The following CTNNA2 variants were observed in gnomAD, a reference collection of about 807,000 sequenced individuals.
CTNNA2 encodes catenin alpha-2.
Under a neutral mutation model 101.0 loss-of-function variants are expected in CTNNA2, and 42 were observed. The ratio of observed to expected loss-of-function variants is 0.42; its 90% CI spans 0.32 to 0.54. CTNNA2 has a LOEUF of 0.54. CTNNA2 is among the 20% of genes least tolerant of loss of function. The pLI is 0.14. For missense variants in CTNNA2, 871 were observed against 1,223.1 expected, an observed-to-expected ratio of 0.71 and a Z score of 4.29; for synonymous variants, 450 against 456.4, an observed-to-expected ratio of 0.99 and a Z score of 0.18.
At chr2:79,862,202 A>G (rs1681678261) in intron 4 of CTNNA2, among the ~76,000 whole-genome samples, 1 of 152,202 alleles carries the variant, frequency 6.6e-6, no homozygotes, top group Non-Finnish European at 1.5e-5. Context: ...TGATTATTTG[A>G]TAATTTCTCT....
chr2:79,728,029 A>G (rs2104902969), intron 2 of CTNNA2, among the ~76,000 whole-genome samples: 1 of 152,302 alleles, frequency 6.6e-6, no homozygotes, highest in Admixed American at 6.5e-5. Flanking sequence ...ATAGTGCCAC[A>G]GTAAACATAC....
At chr2:80,181,147 A>G (rs892765815) in intron 7 of CTNNA2, among the ~76,000 whole-genome samples, 1 of 152,170 alleles carries the variant, frequency 6.6e-6, no homozygotes, top group Non-Finnish European at 1.5e-5. Context: ...GACTTTAGTT[A>G]TAGGTCTAGA....
At chr2:79,893,490 A>G (rs1168280747) in intron 6 of CTNNA2, among the ~76,000 whole-genome samples, 1 of 152,048 alleles carries the variant, frequency 6.6e-6, no homozygotes, top group Non-Finnish European at 1.5e-5. Flanking sequence ...TGTATGCTAT[A>G]CATTGAGTTA....
At position 80,505,259 on chromosome 2, in the gene CTNNA2, A is replaced by G. The variant is rs115075045; in HGVS notation, c.1291-39723A>G. Reference sequence around the variant, plus strand: ...TTTGGATTGTCAAAGTCAGGAAGAAAGTGTTCTTGATAATTTACGTAAAGC... The same window carrying G: ...TTTGGATTGTCAAAGTCAGGAAGAAGGTGTTCTTGATAATTTACGTAAAGC... On this transcript the variant is annotated intron_variant, in intron 9 of 18. Coordinates refer to ENST00000402739, the MANE Select transcript of CTNNA2 (RefSeq NM_001282597.3). 6.1e-3 allele frequency among the ~76,000 whole-genome samples: 923 copies of G among 152,334 alleles called. 13 individuals carry two copies. The highest frequency in any genetic ancestry group is 0.021 in the African/African-American group (880 of 41,574).
At chr2:79,630,148 A>G (rs1271450037) in intron 1 of CTNNA2, among the ~76,000 whole-genome samples, 1 of 152,112 alleles carries the variant, frequency 6.6e-6, no homozygotes, top group Non-Finnish European at 1.5e-5. Flanking sequence ...GCCGTACCAC[A>G]ATATAGACCC....
rs1678272584 is a variant in CTNNA2 at position 80,398,717 on chromosome 2, A to C, written c.1137+5426A>C. On this transcript the variant is annotated intron_variant, in intron 8 of 18. Transcript: ENST00000402739. ...TAAAAATACAAAAAAAAAAAAAAAAATTCACCCGGCATGGTGGCACGTGCC... is the reference window on the plus strand; with the variant it reads ...TAAAAATACAAAAAAAAAAAAAAAACTTCACCCGGCATGGTGGCACGTGCC... 2.0e-5 allele frequency among the ~76,000 whole-genome samples: 3 copies of C among 149,322 alleles called. No individual in the cohort carries two copies. In the South Asian group the frequency reaches 6.5e-4, roughly 32 times the overall value.
At chr2:79,238,909 A>G (rs1011779867) in intron 2 of CTNNA2, among the ~76,000 whole-genome samples, 1 of 152,224 alleles carries the variant, frequency 6.6e-6, no homozygotes, top group Non-Finnish European at 1.5e-5. Context: ...TAGAATTAAG[A>G]TAAGGCCTAA....
chr2:79,494,245 A>T (rs1045333715), intron 4 of CTNNA2, among the ~76,000 whole-genome samples: 2 of 151,104 alleles, frequency 1.3e-5, no homozygotes, highest in African/African-American at 4.9e-5. Flanking sequence ...TGCAGATTCA[A>T]ATCAAATCCT....
chr2:80,260,538 C>G (rs983714105), intron 7 of CTNNA2, among the ~76,000 whole-genome samples: 9 of 152,160 alleles, frequency 5.9e-5, no homozygotes, highest in Non-Finnish European at 8.8e-5. Context: ...TTGAAGGAAC[C>G]TCTCTTCTTA....
intron 3 of CTNNA2, among the ~76,000 whole-genome samples, chr2:79,327,523 A>C (rs1676774705): frequency 6.6e-6 from 1 of 152,204 alleles, no homozygotes; most frequent in Admixed American, 6.5e-5. Flanking sequence ...TTCATTAGAT[A>C]TCCAACATAC....
intron 2 of CTNNA2, among the ~76,000 whole-genome samples, chr2:79,220,629 A>G (rs777827576): frequency 4.6e-5 from 7 of 152,186 alleles, no homozygotes; most frequent in Non-Finnish European, 1.0e-4. Flanking sequence ...TACATTCTCT[A>G]CATGACAAGG....
intron 7 of CTNNA2, among the ~76,000 whole-genome samples, chr2:80,249,622 C>T (rs1312425084): frequency 6.6e-6 from 1 of 152,182 alleles, no homozygotes. Context: ...TGATAGGTGG[C>T]TCACGGTCAC....
intron 7 of CTNNA2, among the ~76,000 whole-genome samples, chr2:79,950,559 T>A (rs1688809689): frequency 6.6e-6 from 1 of 152,362 alleles, no homozygotes; most frequent in South Asian, 2.1e-4. Context: ...ACCCCATTCC[T>A]GTAAAGAATG....
At chr2:80,518,697 G>C (rs1689291095) in intron 9 of CTNNA2, among the ~76,000 whole-genome samples, 1 of 151,944 alleles carries the variant, frequency 6.6e-6, no homozygotes, top group Non-Finnish European at 1.5e-5. Context: ...TTTGCTACTA[G>C]ATTCTCAAAT....
chr2:80,224,546 G>A (rs998667746), intron 7 of CTNNA2, among the ~76,000 whole-genome samples: 2 of 152,056 alleles, frequency 1.3e-5, no homozygotes, highest in Non-Finnish European at 2.9e-5. Context: ...CTGGGTTCAA[G>A]CGATTCTCCT....
intron 6 of CTNNA2, among the ~76,000 whole-genome samples, chr2:79,906,137 C>T (rs1454096143): frequency 1.3e-5 from 2 of 152,224 alleles, no homozygotes; most frequent in African/African-American, 4.8e-5. Flanking sequence ...TATACACACA[C>T]GTACACATAC....
intron 3 of CTNNA2, among the ~76,000 whole-genome samples, chr2:79,315,216 T>A (rs1439041825): frequency 6.6e-6 from 1 of 152,242 alleles, no homozygotes; most frequent in African/African-American, 2.4e-5. Flanking sequence ...CTTGACTTAT[T>A]TGACTGAAAA....
At chr2:79,421,885 C>T (rs879664735) in intron 4 of CTNNA2, among the ~76,000 whole-genome samples, 10 of 152,110 alleles carry the variant, frequency 6.6e-5, no homozygotes. Flanking sequence ...CTCTAGCAAT[C>T]AGATTGGGTA....
chr2:79,189,183 C>CACAAA lies in CTNNA2; in HGVS notation c.-524+3753_-524+3754insCAAAA, dbSNP rs368288810. ...AATTAATTCACTTCCGTTTATAACACAGTGCACACAAAAAGAATAACTCAG... is the reference window on the plus strand; with the variant it reads ...AATTAATTCACTTCCGTTTATAACACACAAAAGTGCACACAAAAAGAATAACTCAG... On this transcript the variant is annotated intron_variant, in intron 1 of 21. Transcript: ENST00000466387. Among the ~76,000 whole-genome samples the CACAAA allele has an allele frequency of 6.2e-3, 945 of 152,282 alleles. 8 individuals are homozygous for CACAAA. Among genetic ancestry groups the CACAAA allele is most frequent in the African/African-American group, 0.022 (896 of 41,552 alleles).
Sources: gnomAD v4.1 joint callset for allele counts (sites outside exome capture counted in the v4.1 genomes callset) on GRCh38, gnomAD v4.1.1 for gene constraint, MANE v1.5 for transcripts, NCBI Gene and HGNC (gene_info 2026-07-23, HGNC 2026-07-21) for gene names.